ATP11C: variants seen among roughly 807,000 people sequenced by gnomAD.
The protein encoded by ATP11C is phospholipid-transporting ATPase IG.
Under a neutral mutation model 97.4 loss-of-function variants are expected in ATP11C, and 36 were observed. That is an observed-to-expected ratio of 0.37 (90% confidence interval 0.28 to 0.49). The LOEUF (loss-of-function observed/expected upper bound fraction) is 0.49, where lower values mean the gene tolerates loss of function less well. ATP11C is among the 20% of genes least tolerant of loss of function. The pLI, the probability that ATP11C is intolerant of heterozygous loss-of-function variation, is 0.98. For missense variants in ATP11C, 730 were observed against 824.6 expected (o/e 0.89, Z 1.40); for synonymous variants, 275 against 290.9 (o/e 0.95, Z 0.56).
chrX:139,736,667 C>T (rs1179661382), intron 28 of ATP11C, among the ~76,000 whole-genome samples: 2 of 111,438 alleles, frequency 1.8e-5, no homozygotes, highest in Non-Finnish European at 3.8e-5. Context: ...TCCTAAAACA[C>T]CAGACTAGAG....
intron 1 of ATP11C, among the ~76,000 whole-genome samples, chrX:139,903,406 G>A (rs2084928038): frequency 9.1e-6 from 1 of 109,363 alleles, no homozygotes; most frequent in Non-Finnish European, 1.9e-5. Flanking sequence ...GGGAAGGAAT[G>A]CTGATGTCTT....
chrX:139,874,852 G>A (rs2084443038), intron 1 of ATP11C, among the ~76,000 whole-genome samples: 1 of 111,920 alleles, frequency 8.9e-6, no homozygotes, highest in East Asian at 2.8e-4. Flanking sequence ...CTACAGTGAG[G>A]CTTCCTGATT....
intron 1 of ATP11C, among the ~76,000 whole-genome samples, chrX:139,903,284 T>C (rs368697191): frequency 9.0e-6 from 1 of 111,567 alleles, no homozygotes. Context: ...CATTTTGTTA[T>C]AATGTTGGGT....
chrX:139,886,424 A>G (rs1303393918), intron 1 of ATP11C, among the ~76,000 whole-genome samples: 1 of 110,256 alleles, frequency 9.1e-6, no homozygotes, highest in Non-Finnish European at 1.9e-5. Context: ...CCCCGTCTAT[A>G]CTAAAAATAC....
At chrX:139,849,233 C>T (rs1206278179) in intron 1 of ATP11C, among the ~76,000 whole-genome samples, 3 of 111,844 alleles carry the variant, frequency 2.7e-5, no homozygotes, top group Non-Finnish European at 3.8e-5. Context: ...TGATCTCTAT[C>T]TCCCCATATT....
intron 1 of ATP11C, among the ~76,000 whole-genome samples, chrX:139,890,654 T>C (rs1469047821): frequency 8.9e-6 from 1 of 112,185 alleles, no homozygotes; most frequent in Non-Finnish European, 1.9e-5. Flanking sequence ...CATCTATTCA[T>C]CCAACAATTA....
Position 139,784,060 on chromosome X carries a change from T to A in ATP11C, c.1667-793A>T, listed in dbSNP as rs17002232. 5.5e-3 allele frequency among the ~76,000 whole-genome samples: 615 copies of A among 112,133 alleles called. 6 individuals are homozygous for A. Among genetic ancestry groups the A allele is most frequent in the African/African-American group, 0.019 (581 of 30,863 alleles). On this transcript the variant is annotated intron_variant, in intron 16 of 29. Coordinates refer to ENST00000682941, the MANE Select transcript of ATP11C (RefSeq NM_001353812.2). ...TAGAATGCTGGTATAATTGCAGCTTTAGATCACTTCACACACCCAGGAAAT... is the reference window on the plus strand; with the variant it reads ...TAGAATGCTGGTATAATTGCAGCTTAAGATCACTTCACACACCCAGGAAAT...
chrX:139,733,966 T>G (rs990153931), intron 28 of ATP11C, among the ~76,000 whole-genome samples: 4 of 110,485 alleles, frequency 3.6e-5, no homozygotes, highest in African/African-American at 1.3e-4. Flanking sequence ...CAACCGGCAG[T>G]GGGGTGGGGT....
chrX:139,787,268 C>G (rs2082593163), intron 14 of ATP11C, 24 bp from the exon 15 acceptor site: 2 of 1,108,888 alleles, frequency 1.8e-6, no homozygotes, highest in Non-Finnish European at 2.4e-6. Flanking sequence ...TAAAAAAGAC[C>G]TTGTGTATCT....
intron 1 of ATP11C, among the ~76,000 whole-genome samples, chrX:139,833,406 G>T (rs1211888656): frequency 1.8e-5 from 2 of 111,623 alleles, no homozygotes; most frequent in East Asian, 5.6e-4. Flanking sequence ...TCGGGGCGGG[G>T]GGCGCATTCT....
intron 1 of ATP11C, among the ~76,000 whole-genome samples, chrX:139,856,787 T>A (rs1014341364): frequency 2.7e-5 from 3 of 112,420 alleles, no homozygotes; most frequent in Non-Finnish European, 5.6e-5. Flanking sequence ...CAGTGATTTA[T>A]TAACTACACT....
intron 23 of ATP11C, among the ~76,000 whole-genome samples, chrX:139,756,796 C>T (rs2081943398): frequency 9.2e-6 from 1 of 109,217 alleles, no homozygotes; most frequent in Non-Finnish European, 1.9e-5. Context: ...AAGAAGGGAA[C>T]AACAGACACT....
In ATP11C at chrX:139,812,334, G is replaced by T. The variant is rs190165172; in HGVS notation, c.426+2544C>A. 2.7e-5 allele frequency among the ~76,000 whole-genome samples: 3 copies of T among 111,558 alleles called. No homozygotes were observed. In the East Asian group the frequency reaches 8.5e-4, roughly 31 times the overall value. ...TATACCTGGTTGAGTTCAGCCTCAA[G>T]GAAAAGAAGCTTGGTGGAGGGAAAA... On this transcript the variant is annotated intron_variant, in intron 5 of 29. Coordinates refer to ENST00000682941, the MANE Select transcript of ATP11C (RefSeq NM_001353812.2).
intron 20 of ATP11C, among the ~76,000 whole-genome samples, chrX:139,765,239 AT>A (rs1028046027): frequency 9.0e-6 from 1 of 110,749 alleles, no homozygotes; most frequent in Non-Finnish European, 1.9e-5. Context: ...AAAAAAAAAA[AT>A]ATTTTACCAA....
rs1282929341 is a variant in ATP11C at position 139,820,714 on chromosome X, G to T, written c.148-1287C>A. 2.7e-5 allele frequency among the ~76,000 whole-genome samples: 3 copies of T among 110,980 alleles called. No homozygotes were observed. The East Asian group carries it at 8.7e-4, about 32-fold the overall frequency. On this transcript the variant is annotated intron_variant, in intron 2 of 29. Coordinates refer to ENST00000682941, the MANE Select transcript of ATP11C (RefSeq NM_001353812.2). Reference sequence around the variant, plus strand: ...ACTCTTAGGCCAACTGTCAACTGCAGAACTCTTAGGCCAACTGTCAATCGT... The same window carrying T: ...ACTCTTAGGCCAACTGTCAACTGCATAACTCTTAGGCCAACTGTCAATCGT...
chrX:139,922,353 T>C (rs747268011), intron 1 of ATP11C, among the ~76,000 whole-genome samples: 6 of 102,300 alleles, frequency 5.9e-5, no homozygotes, highest in Non-Finnish European at 9.9e-5. Flanking sequence ...CCTATAGCTA[T>C]TGTTGTGGAG....
chrX:139,814,767 AG>A (rs2083249584), intron 5 of ATP11C, 110 bp downstream of exon 5: 1 of 428,579 alleles, frequency 2.3e-6, no homozygotes, highest in Non-Finnish European at 3.8e-6. Flanking sequence ...TTCTGGAACT[AG>A]ATAGAGTTAA....
intron 1 of ATP11C, among the ~76,000 whole-genome samples, chrX:139,894,323 G>A (rs1569487282): frequency 8.9e-6 from 1 of 112,165 alleles, no homozygotes; most frequent in Non-Finnish European, 1.9e-5. Context: ...TTATATTAAA[G>A]CTGGGAAGAC....
In ATP11C at chrX:139,788,529, C is replaced by G. The variant is rs1240949464; in HGVS notation, c.1369-186G>C. Among the ~76,000 whole-genome samples, 4 of 111,617 alleles carry G rather than the reference C, an allele frequency of 3.6e-5. No homozygotes were observed. In the Admixed American group the frequency reaches 3.8e-4, roughly 11 times the overall value. ...TTCTCCTAGTACCTAATAAGAGTTC[C>G]TGGTTCTCAGCTAGCATACCCTATA... On this transcript the variant is annotated intron_variant, in intron 13 of 29. Transcript: ENST00000682941.
Sources: allele counts gnomAD v4.1 joint callset (sites outside exome capture counted in the v4.1 genomes callset), GRCh38; gene constraint gnomAD v4.1.1; transcripts MANE v1.5; gene names NCBI Gene and HGNC (gene_info 2026-07-23, HGNC 2026-07-21).